Variants in SRC observed in about 807,000 individuals in gnomAD.
The protein encoded by SRC is SRC proto-oncogene, non-receptor tyrosine kinase, also known as proto-oncogene tyrosine-protein kinase Src.
SRC carries 13 observed loss-of-function variants against 62.9 expected under a neutral mutation model. The ratio of observed to expected loss-of-function variants is 0.21; its 90% CI spans 0.13 to 0.33. The LOEUF (loss-of-function observed/expected upper bound fraction) is 0.33. Ranked by LOEUF, SRC falls within the 10% of genes least tolerant of loss-of-function variation. SRC has a pLI of 1.00. For synonymous variants in SRC, 302 were observed against 317.5 expected (o/e 0.95, Z 0.52); for missense variants, 457 against 737.3 (o/e 0.62, Z 4.40).
intron 2 of SRC, among the ~76,000 whole-genome samples, chr20:37,373,427 G>GTATATA (rs2070226654): frequency 9.0e-6 from 1 of 111,316 alleles, no homozygotes; most frequent in African/African-American, 5.1e-5. Context: ...GCATATATGC[G>GTATATA]TGTATATACG....
At chr20:37,368,394 G>C (rs936679019) in intron 2 of SRC, among the ~76,000 whole-genome samples, 1 of 151,458 alleles carries the variant, frequency 6.6e-6, no homozygotes. Flanking sequence ...CTTCAGCCTG[G>C]GCAACAGAGT....
At chr20:37,373,391 A>G (rs750469533) in intron 2 of SRC, among the ~76,000 whole-genome samples, 4 of 151,848 alleles carry the variant, frequency 2.6e-5, no homozygotes, top group Non-Finnish European at 5.9e-5. Flanking sequence ...TTATACACAT[A>G]TATGCGTATA....
intron 7 of SRC, among the ~76,000 whole-genome samples, chr20:37,394,945 G>T (rs908444293): frequency 6.6e-6 from 1 of 152,156 alleles, no homozygotes; most frequent in Non-Finnish European, 1.5e-5. Context: ...GGGTGGAATT[G>T]TCTGTGTGTT....
rs973956614 is a variant in SRC, at chr20:37,403,775, C to T, written c.*396C>T. On this transcript the variant is annotated 3_prime_UTR_variant, in exon 14 of 14. Transcript: ENST00000373578. This position sits in a 1 kb window ranked among gnomAD's most constrained non-coding sequence, Gnocchi z 7.1. ...CTTCTGTGCCACCCCCGGTCTATGT[C>T]GAGAGCTGGCCAAAGAGCCTTTCCA... 9 of 280,850 alleles carry T rather than the reference C, an allele frequency of 3.2e-5. No homozygotes were observed. The highest frequency in any genetic ancestry group is 9.2e-5 in the Admixed American group (2 of 21,716). 17.4% of individuals were successfully genotyped at this position (280,850 alleles called of 1,614,324 possible). A position where few individuals can be genotyped will look rare whatever the true frequency, so the allele number is the denominator to read the frequency against.
At chr20:37,349,963 G>C (rs1301056075) in intron 1 of SRC, among the ~76,000 whole-genome samples, 3 of 152,234 alleles carry the variant, frequency 2.0e-5, no homozygotes, top group Non-Finnish European at 4.4e-5. Flanking sequence ...GGGTCTCCCA[G>C]TTGCCAAGTG....
chr20:37,389,808 AG>A (rs952894218), intron 5 of SRC, among the ~76,000 whole-genome samples: 2 of 152,168 alleles, frequency 1.3e-5, no homozygotes, highest in South Asian at 4.1e-4. Context: ...GCTGGTGACC[AG>A]CAGTTGTGAA....
Position 37,384,428 on chromosome 20 carries a change from C to T in SRC, c.250+25C>T. 7.5e-7 allele frequency: 1 copy of T among 1,324,662 alleles called. No homozygotes were observed. The highest frequency in any genetic ancestry group is 9.6e-7 in the Non-Finnish European group (1 of 1,046,348). The allele number at this position is 1,324,662 out of a possible 1,614,324, so 82.1% of individuals were successfully genotyped here. ...GGTCAGTGCGCGGGCGGCGCGGGGT[C>T]CTCGCCCACCTGGGGCCACGGCGGG... is the stretch of plus-strand genomic sequence containing the variant. On this transcript the variant is annotated intron_variant, in intron 4 of 13. Transcript: ENST00000373578. This position sits in a 1 kb window ranked among gnomAD's most constrained non-coding sequence, Gnocchi z 6.7.
rs991132252 is a variant in SRC, at chr20:37,351,664, C to T, written c.-247+5409C>T. Among the ~76,000 whole-genome samples the T allele has an allele frequency of 3.3e-5, 5 of 152,098 alleles. No homozygotes were observed. Among genetic ancestry groups the T allele is most frequent in the East Asian group, 1.9e-4 (1 of 5,196 alleles). Reference sequence around the variant, plus strand: ...CCTTGACTTTTACCTTGTCTGATGTCGATATCTTCATGTCATGCCCTTCTG... The same window carrying T: ...CCTTGACTTTTACCTTGTCTGATGTTGATATCTTCATGTCATGCCCTTCTG... On this transcript the variant is annotated intron_variant, in intron 1 of 13. Coordinates refer to ENST00000373578, the MANE Select transcript of SRC (RefSeq NM_198291.3). The surrounding 1 kb of genome is among the most constrained non-coding windows in gnomAD (Gnocchi z 4.4).
At chr20:37,400,546 C>T (rs1007996075) in intron 10 of SRC, among the ~76,000 whole-genome samples, 8 of 152,156 alleles carry the variant, frequency 5.3e-5, no homozygotes, top group African/African-American at 1.7e-4. Context: ...TCACCAGGCC[C>T]AGCTAATTTT....
intron 9 of SRC, 88 bp from the exon 10 acceptor site, chr20:37,400,027 C>A: frequency 7.3e-7 from 1 of 1,364,574 alleles, no homozygotes. Flanking sequence ...CCACAGCTGA[C>A]ACTGGCGCCC....
At chr20:37,363,054 G>A (rs1426648515) in intron 1 of SRC, among the ~76,000 whole-genome samples, 1 of 152,106 alleles carries the variant, frequency 6.6e-6, no homozygotes, top group African/African-American at 2.4e-5. Flanking sequence ...CTAGCCTTTG[G>A]GCCTCAGCTG....
intron 2 of SRC, among the ~76,000 whole-genome samples, chr20:37,380,770 C>T (rs887174013): frequency 2.6e-5 from 4 of 152,228 alleles, no homozygotes; most frequent in South Asian, 2.1e-4. Context: ...GACCGTCTTG[C>T]GTTGCTGTGA....
In SRC at chr20:37,375,936, G is replaced by T. The variant is rs1003022192; in HGVS notation, c.-172-6683G>T. Among the ~76,000 whole-genome samples, 4 of 152,178 alleles carry T rather than the reference G, an allele frequency of 2.6e-5. No homozygotes were observed. The South Asian group carries it at 8.3e-4, about 32-fold the overall frequency. ...TCCTCACATGGCAGAGAGAGACAGG[G>T]CTCTGGTTTCCTCCTCTTCTCATAA... is the stretch of plus-strand genomic sequence containing the variant. On this transcript the variant is annotated intron_variant, in intron 2 of 13. Transcript: ENST00000373578.
chr20:37,373,680 C>T (rs904697523), intron 2 of SRC, among the ~76,000 whole-genome samples: 1 of 152,176 alleles, frequency 6.6e-6, no homozygotes, highest in African/African-American at 2.4e-5. Flanking sequence ...AATTTATTGG[C>T]ATATATAGTG....
chr20:37,371,614 G>A (rs748725738), intron 2 of SRC, among the ~76,000 whole-genome samples: 1 of 151,784 alleles, frequency 6.6e-6, no homozygotes, highest in African/African-American at 2.4e-5. Context: ...TCCTTGTATA[G>A]CTTTAGGTTT....
In SRC at chr20:37,398,500, G is replaced by T. The variant is rs2070692104; in HGVS notation, c.859+646G>T. On this transcript the variant is annotated intron_variant, in intron 9 of 13. Transcript: ENST00000373578. This position sits in a 1 kb window ranked among gnomAD's most constrained non-coding sequence, Gnocchi z 5.2. ...GGGATCACGGTGCGCTGTTTTCAAG[G>T]TGGTTTCATCTGAGCCGCATCTCCA... is the stretch of plus-strand genomic sequence containing the variant. 6.6e-6 allele frequency among the ~76,000 whole-genome samples: 1 copy of T among 152,176 alleles called. No homozygotes were observed. Among genetic ancestry groups the T allele is most frequent in the Admixed American group, 6.5e-5 (1 of 15,276 alleles).
rs2070411669 is a variant in SRC, at chr20:37,384,288, C to T, written c.135C>T (p.Asp45=). ...SQTPSKPASA[D]GHRGPSAAFA... ...CCCCCAGCAAGCCAGCCTCGGCCGA[C>T]GGCCACCGCGGCCCCAGCGCGGCCT... The change falls in exon 4 of 14, where the codon GAC becomes GAT. Residue 45 remains aspartate (D), a synonymous_variant. Coordinates refer to ENST00000373578, the MANE Select transcript of SRC (RefSeq NM_198291.3). The surrounding 1 kb of genome is among the most constrained non-coding windows in gnomAD (Gnocchi z 6.7). The T allele has an allele frequency of 1.3e-6, 2 of 1,496,652 alleles. No homozygotes were observed. Among genetic ancestry groups the T allele is most frequent in the Admixed American group, 2.4e-5 (1 of 42,456 alleles). 92.7% of individuals were successfully genotyped at this position (1,496,652 alleles called of 1,614,324 possible). A position where few individuals can be genotyped will look rare whatever the true frequency, so the allele number is the denominator to read the frequency against.
intron 2 of SRC, among the ~76,000 whole-genome samples, chr20:37,378,389 G>C (rs2070308981): frequency 6.6e-6 from 1 of 151,906 alleles, no homozygotes; most frequent in South Asian, 2.1e-4. Flanking sequence ...AGCAGCTCAT[G>C]TTTGCTACAG....
At chr20:37,382,927 T>C (rs1600994630) in intron 3 of SRC, 141 bp downstream of exon 3, 1 of 150,124 alleles carries the variant, frequency 6.7e-6, no homozygotes. Flanking sequence ...TCAGGGGGAG[T>C]TTTCAACTTG....
Sources: allele counts gnomAD v4.1 joint callset (sites outside exome capture counted in the v4.1 genomes callset), GRCh38; gene constraint gnomAD v4.1.1; non-coding constraint Gnocchi (gnomAD v3.1); transcripts MANE v1.5; gene names NCBI Gene and HGNC (gene_info 2026-07-23, HGNC 2026-07-21).